The following HPSE2 variants were observed in gnomAD, a reference collection of about 807,000 sequenced individuals.
HPSE2 encodes the protein inactive heparanase-2.
Under a neutral mutation model 60.5 loss-of-function variants are expected in HPSE2, and 38 were observed. The ratio of observed to expected loss-of-function variants is 0.63; its 90% confidence interval spans 0.48 to 0.82. The LOEUF is 0.82. Ranked by LOEUF, HPSE2 falls within the 40% of genes least tolerant of loss-of-function variation. HPSE2 has a pLI of 0.00. For missense variants in HPSE2, 713 were observed against 740.4 expected (o/e 0.96, Z 0.43); for synonymous variants, 295 against 293.2 (o/e 1.01, Z -0.06).
At chr10:98,835,031 C>A (rs1269186806) in intron 3 of HPSE2, among the ~76,000 whole-genome samples, 1 of 151,958 alleles carries the variant, frequency 6.6e-6, no homozygotes, top group African/African-American at 2.4e-5. Flanking sequence ...GTAAGCATGA[C>A]CCACATAAAC....
chr10:98,475,502 A>G (rs894953284), intron 11 of HPSE2, among the ~76,000 whole-genome samples: 5 of 152,180 alleles, frequency 3.3e-5, no homozygotes, highest in Non-Finnish European at 7.3e-5. Context: ...GACACAAAGT[A>G]GGATCAATAG....
intron 3 of HPSE2, among the ~76,000 whole-genome samples, chr10:98,881,989 T>C (rs1953037128): frequency 6.6e-6 from 1 of 152,098 alleles, no homozygotes; most frequent in Non-Finnish European, 1.5e-5. Flanking sequence ...CTTCCCCTCC[T>C]CTGGACTTTG....
intron 3 of HPSE2, among the ~76,000 whole-genome samples, chr10:98,820,236 C>T (rs1239609464): frequency 6.6e-6 from 1 of 152,050 alleles, no homozygotes; most frequent in Non-Finnish European, 1.5e-5. Context: ...ATGTTGATGA[C>T]CTCCTTCTTT....
At chr10:99,193,719 A>T (rs1436018305) in intron 2 of HPSE2, among the ~76,000 whole-genome samples, 1 of 152,154 alleles carries the variant, frequency 6.6e-6, no homozygotes, top group Non-Finnish European at 1.5e-5. Context: ...AAAGGGGTCA[A>T]TTCAGCAAGA....
At chr10:98,806,737 T>C (rs1483932074) in intron 3 of HPSE2, among the ~76,000 whole-genome samples, 1 of 152,260 alleles carries the variant, frequency 6.6e-6, no homozygotes, top group East Asian at 1.9e-4. Flanking sequence ...ATATTTCATG[T>C]CTCTAATTCT....
chr10:98,600,917 A>ATGTGTGTG lies in HPSE2; in HGVS notation c.1320+13986_1320+13987insCACACACA, dbSNP rs10682909. 1.2e-3 allele frequency among the ~76,000 whole-genome samples: 59 copies of ATGTGTGTG among 48,028 alleles called. 1 individual carries two copies. The highest frequency in any genetic ancestry group is 2.4e-3 in the Admixed American group (8 of 3,354). The allele number at this position is 48,028 out of a possible 152,430, so 31.5% of individuals were successfully genotyped here. A position where few individuals can be genotyped will look rare whatever the true frequency, so the allele number is the denominator to read the frequency against. ...CGTATATATATGTGTGTGTGTATAT[A>ATGTGTGTG]TATATATATATATATATATATATAG... On this transcript the variant is annotated intron_variant, in intron 9 of 11. Coordinates refer to ENST00000370552, the MANE Select transcript of HPSE2 (RefSeq NM_021828.5).
rs1258393098 is a variant in HPSE2 at position 98,848,713 on chromosome 10, G to A, written c.611-104657C>T. Among the ~76,000 whole-genome samples the A allele has an allele frequency of 2.6e-5, 4 of 152,304 alleles. No individual in the cohort carries two copies. In the East Asian group the frequency reaches 7.7e-4, roughly 29 times the overall value. ...ACCTGAGACAATGGCAGGAAAGTAA[G>A]GCTAACTTTCATTTAGCTGCAATGC... On this transcript the variant is annotated intron_variant, in intron 3 of 11. Coordinates refer to ENST00000370552, the MANE Select transcript of HPSE2 (RefSeq NM_021828.5).
At chr10:98,968,096 G>GA (rs1183846701) in intron 3 of HPSE2, among the ~76,000 whole-genome samples, 5 of 151,924 alleles carry the variant, frequency 3.3e-5, no homozygotes, top group African/African-American at 1.2e-4. Flanking sequence ...ACCTATAAGA[G>GA]AAAAAAACAT....
At chr10:98,889,294 T>C (rs1168447506) in intron 3 of HPSE2, among the ~76,000 whole-genome samples, 1 of 151,888 alleles carries the variant, frequency 6.6e-6, no homozygotes, top group African/African-American at 2.4e-5. Flanking sequence ...GCGATCCTCC[T>C]ACCTCAGCCT....
intron 3 of HPSE2, among the ~76,000 whole-genome samples, chr10:98,768,525 A>C (rs904625478): frequency 1.3e-5 from 2 of 152,190 alleles, no homozygotes; most frequent in Admixed American, 6.6e-5. Context: ...TTATTTGATG[A>C]CTTGATCATA....
At chr10:99,079,947 G>A (rs1843077195) in intron 3 of HPSE2, among the ~76,000 whole-genome samples, 1 of 152,164 alleles carries the variant, frequency 6.6e-6, no homozygotes, top group South Asian at 2.1e-4. Context: ...TTCCCAAGGA[G>A]AAGCTGAGAA....
chr10:99,232,213 ATACAC>A, intron 2 of HPSE2, 130 bp downstream of exon 2: 1 of 624,788 alleles, frequency 1.6e-6, no homozygotes, highest in Non-Finnish European at 2.5e-6. Context: ...GCGCGCGCGC[ATACAC>A]ACACACACAC....
intron 2 of HPSE2, among the ~76,000 whole-genome samples, chr10:99,228,335 GT>G (rs944867634): frequency 6.6e-6 from 1 of 152,062 alleles, no homozygotes; most frequent in Non-Finnish European, 1.5e-5. Context: ...AATAACCATA[GT>G]TTTTTAGCAA....
At position 98,687,818 on chromosome 10, in the gene HPSE2, A is replaced by G. The variant is rs187413299; in HGVS notation, c.1004+6082T>C. Among the ~76,000 whole-genome samples, 13 of 151,946 alleles carry G rather than the reference A, an allele frequency of 8.6e-5. No individual in the cohort carries two copies. The East Asian group carries it at 2.5e-3, about 29-fold the overall frequency. On this transcript the variant is annotated intron_variant, in intron 6 of 11. Coordinates refer to ENST00000370552, the MANE Select transcript of HPSE2 (RefSeq NM_021828.5). Reference sequence around the variant, plus strand: ...CATGACATATTATTCTCATCCTTTTATTTTCAATCTGTGTCTTTATATTTA... The same window carrying G: ...CATGACATATTATTCTCATCCTTTTGTTTTCAATCTGTGTCTTTATATTTA...
intron 3 of HPSE2, among the ~76,000 whole-genome samples, chr10:99,098,039 A>G (rs1843782649): frequency 6.6e-6 from 1 of 152,116 alleles, no homozygotes; most frequent in Non-Finnish European, 1.5e-5. Flanking sequence ...GTGTAATCCA[A>G]CCTCAGCCCT....
At chr10:98,943,488 C>A (rs921949162) in intron 3 of HPSE2, among the ~76,000 whole-genome samples, 2 of 152,026 alleles carry the variant, frequency 1.3e-5, no homozygotes, top group Non-Finnish European at 2.9e-5. Flanking sequence ...GATCCCCACC[C>A]CTTCGTATTC....
intron 9 of HPSE2, among the ~76,000 whole-genome samples, chr10:98,562,228 A>G (rs909664564): frequency 6.6e-6 from 1 of 152,200 alleles, no homozygotes; most frequent in African/African-American, 2.4e-5. Flanking sequence ...TAGCCTAGAC[A>G]TGTGGTAGGC....
At chr10:99,135,596 G>A (rs924626166) in intron 3 of HPSE2, among the ~76,000 whole-genome samples, 12 of 152,158 alleles carry the variant, frequency 7.9e-5, no homozygotes, top group African/African-American at 2.7e-4. Context: ...GCTCCTGAAT[G>A]ACTACTGGGT....
At chr10:99,073,944 T>G (rs1842879171) in intron 3 of HPSE2, among the ~76,000 whole-genome samples, 1 of 151,518 alleles carries the variant, frequency 6.6e-6, no homozygotes, top group African/African-American at 2.4e-5. Context: ...CAAAAGTTTT[T>G]TTTTTTTTTT....
Sources: gnomAD v4.1 joint callset for allele counts (sites outside exome capture counted in the v4.1 genomes callset) on GRCh38, gnomAD v4.1.1 for gene constraint, MANE v1.5 for transcripts, NCBI Gene and HGNC (gene_info 2026-07-23, HGNC 2026-07-21) for gene names.